Variants in ALOX5AP observed in about 807,000 individuals in gnomAD.
ALOX5AP encodes the protein arachidonate 5-lipoxygenase-activating protein.
Under a neutral mutation model 18.5 loss-of-function variants are expected in ALOX5AP, and 9 were observed. That is an observed-to-expected ratio of 0.49 (90% CI 0.29 to 0.85). The LOEUF (loss-of-function observed/expected upper bound fraction) is 0.85. ALOX5AP is among the 40% of genes least tolerant of loss of function. The pLI, the probability that ALOX5AP is intolerant of heterozygous loss-of-function variation, is 0.08. For missense variants in ALOX5AP, 172 were observed against 202.5 expected (o/e 0.85, Z 0.91); for synonymous variants, 81 against 78.6 (o/e 1.03, Z -0.16).
chr13:30,735,705 C>G lies in ALOX5AP; in HGVS notation c.70+30C>G, dbSNP rs988441126. On this transcript the variant is annotated intron_variant, in intron 1 of 4. Coordinates refer to ENST00000380490, the MANE Select transcript of ALOX5AP (RefSeq NM_001629.4). Reference sequence around the variant, plus strand: ...GGAAAGCCCTTCACTCAGGGAAGAACAGAAGGGGAGATTTTCTTTGATGGT... The same window carrying G: ...GGAAAGCCCTTCACTCAGGGAAGAAGAGAAGGGGAGATTTTCTTTGATGGT... The G allele has an allele frequency of 1.9e-6, 3 of 1,610,564 alleles. No homozygotes were observed. In the African/African-American group the frequency reaches 4.0e-5, roughly 22 times the overall value.
At chr13:30,755,078 A>G (rs1951882083) in intron 3 of ALOX5AP, among the ~76,000 whole-genome samples, 1 of 152,252 alleles carries the variant, frequency 6.6e-6, no homozygotes, top group South Asian at 2.1e-4. Context: ...TGCTCTTGGC[A>G]GTTTCCCAAA....
At position 30,760,805 on chromosome 13, in the gene ALOX5AP, C is replaced by T. The variant is rs552124765; in HGVS notation, c.324-3139C>T. Reference sequence around the variant, plus strand: ...GTCATGGGTGTACAATACCTGGCCCCGAAAGATGCTTAATAATTTAATTCT... The same window carrying T: ...GTCATGGGTGTACAATACCTGGCCCTGAAAGATGCTTAATAATTTAATTCT... On this transcript the variant is annotated intron_variant, in intron 4 of 4. Transcript: ENST00000380490. Among the ~76,000 whole-genome samples, 10 of 152,150 alleles carry T rather than the reference C, an allele frequency of 6.6e-5. No individual in the cohort carries two copies. The South Asian group carries it at 1.7e-3, about 25-fold the overall frequency.
intron 1 of ALOX5AP, among the ~76,000 whole-genome samples, chr13:30,729,571 C>A (rs1034289202): frequency 6.9e-5 from 9 of 130,836 alleles, no homozygotes; most frequent in African/African-American, 2.4e-4. Flanking sequence ...CCATGTCTAA[C>A]CTGTATTTTT....
Position 30,764,125 on chromosome 13 carries a change from GT to G in ALOX5AP, c.*21del, listed in dbSNP as rs1458911682. On this transcript the variant is annotated 3_prime_UTR_variant, in exon 5 of 5. Transcript: ENST00000380490. ...TCCCTAACTCTCTGCTGAATATGGG[GT>G]TGGTGTTCTCATCTAATCAATACCT... The G allele has an allele frequency of 6.2e-7, 1 of 1,610,742 alleles. No individual in the cohort carries two copies. The highest frequency in any genetic ancestry group is 8.5e-7 in the Non-Finnish European group (1 of 1,178,194).
chr13:30,713,815 C>T, exon 1 of ALOX5AP: 4 of 1,535,070 alleles, frequency 2.6e-6, no homozygotes, highest in South Asian at 1.2e-5. Flanking sequence ...CCTTGGGGCA[C>T]ATTGGGAACA....
At chr13:30,756,852 G>A (rs1244696653) in intron 4 of ALOX5AP, among the ~76,000 whole-genome samples, 2 of 144,062 alleles carry the variant, frequency 1.4e-5, no homozygotes, top group Non-Finnish European at 1.5e-5. Flanking sequence ...ATGCAGACAC[G>A]AGACTGTGAA....
At chr13:30,719,393 G>A (rs749542119) in intron 1 of ALOX5AP, among the ~76,000 whole-genome samples, 29 of 152,256 alleles carry the variant, frequency 1.9e-4, no homozygotes, top group Non-Finnish European at 2.9e-4. Flanking sequence ...TCTGAGGACC[G>A]GGATAATCAT....
chr13:30,744,395 G>A (rs1951792043), intron 2 of ALOX5AP: 1 of 449,956 alleles, frequency 2.2e-6, no homozygotes, highest in African/African-American at 2.0e-5. Context: ...GTGGAGGGAG[G>A]TGTGATCTCT....
At chr13:30,749,159 C>T (rs183369383) in intron 2 of ALOX5AP, among the ~76,000 whole-genome samples, 20 of 152,274 alleles carry the variant, frequency 1.3e-4, no homozygotes, top group East Asian at 5.8e-4. Context: ...TTATTAGGAA[C>T]GAAGGTGACT....
chr13:30,763,212 G>A (rs997497902), intron 4 of ALOX5AP, among the ~76,000 whole-genome samples: 3 of 152,190 alleles, frequency 2.0e-5, no homozygotes, highest in African/African-American at 7.2e-5. Context: ...GGAGGCTGAG[G>A]CATGAGAATC....
Position 30,742,385 on chromosome 13 carries a change from G to T in ALOX5AP, c.71-1675G>T, listed in dbSNP as rs1951773779. 2.0e-5 allele frequency: 3 copies of T among 152,202 alleles called. 1 individual carries two copies. The South Asian group carries it at 6.2e-4, about 32-fold the overall frequency. The allele number at this position is 152,202 out of a possible 1,614,324, so 9.4% of individuals were successfully genotyped here. Reference sequence around the variant, plus strand: ...GGGAGCTTCACGGTGACAGCAAGAGGAGAAACACATCCCCATATGCCCCGC... The same window carrying T: ...GGGAGCTTCACGGTGACAGCAAGAGTAGAAACACATCCCCATATGCCCCGC... On this transcript the variant is annotated intron_variant, in intron 1 of 4. Coordinates refer to ENST00000380490, the MANE Select transcript of ALOX5AP (RefSeq NM_001629.4).
chr13:30,757,288 G>A (rs181397987), intron 4 of ALOX5AP, among the ~76,000 whole-genome samples: 1 of 152,300 alleles, frequency 6.6e-6, no homozygotes, highest in East Asian at 1.9e-4. Flanking sequence ...AAACCTGAGA[G>A]CCTGTGAAGC....
At chr13:30,763,566 G>C (rs956922059) in intron 4 of ALOX5AP, among the ~76,000 whole-genome samples, 8 of 152,170 alleles carry the variant, frequency 5.3e-5, no homozygotes, top group African/African-American at 1.9e-4. Flanking sequence ...GTTATGGGCA[G>C]CTGCAGAGAG....
At chr13:30,719,681 G>A (rs1951578193) in intron 1 of ALOX5AP, among the ~76,000 whole-genome samples, 1 of 152,128 alleles carries the variant, frequency 6.6e-6, no homozygotes, top group South Asian at 2.1e-4. Flanking sequence ...TATGTCATAG[G>A]TTGTTGGCTT....
chr13:30,722,109 G>A (rs1951598712), intron 1 of ALOX5AP, among the ~76,000 whole-genome samples: 1 of 152,206 alleles, frequency 6.6e-6, no homozygotes, highest in Non-Finnish European at 1.5e-5. Context: ...TGGCCAATAA[G>A]ATAGAAGTCG....
chr13:30,739,167 C>T (rs1349132677), intron 1 of ALOX5AP, among the ~76,000 whole-genome samples: 2 of 152,144 alleles, frequency 1.3e-5, no homozygotes, highest in Non-Finnish European at 2.9e-5. Context: ...GCTTGCCTTT[C>T]CTATTGTTGC....
chr13:30,732,201 A>G (rs1256242599), upstream of ALOX5AP, among the ~76,000 whole-genome samples: 2 of 151,996 alleles, frequency 1.3e-5, no homozygotes, highest in African/African-American at 2.4e-5. Flanking sequence ...GCGCCTTTCG[A>G]CCTTCTAAAG....
At chr13:30,753,333 C>T (rs1413506077) in intron 3 of ALOX5AP, among the ~76,000 whole-genome samples, 1 of 152,208 alleles carries the variant, frequency 6.6e-6, no homozygotes, top group African/African-American at 2.4e-5. Context: ...AAACATGTCT[C>T]GCATTACTTG....
exon 1 of ALOX5AP, chr13:30,713,701 G>A: frequency 6.9e-7 from 1 of 1,445,662 alleles, no homozygotes; most frequent in South Asian, 1.2e-5. Context: ...TGTGAACCAG[G>A]CTCCAGAAGT....
Sources: allele counts gnomAD v4.1 joint callset (sites outside exome capture counted in the v4.1 genomes callset), GRCh38; gene constraint gnomAD v4.1.1; transcripts MANE v1.5; gene names NCBI Gene and HGNC (gene_info 2026-07-23, HGNC 2026-07-21).